Variants in DOK5 observed in about 807,000 individuals in gnomAD.
DOK5 encodes the protein docking protein 5, also known as downstream of tyrosine kinase 5.
Under a neutral mutation model 43.3 loss-of-function variants are expected in DOK5, and 27 were observed. The ratio of observed to expected loss-of-function variants is 0.62; its 90% CI spans 0.46 to 0.86. DOK5 has a LOEUF of 0.86. Ranked by LOEUF, DOK5 falls within the 40% of genes least tolerant of loss-of-function variation. The pLI is 0.00. For synonymous variants in DOK5, 146 were observed against 140.1 expected, an observed-to-expected ratio of 1.04 and a Z score of -0.30; for missense variants, 373 against 392.9, an observed-to-expected ratio of 0.95 and a Z score of 0.43.
In DOK5 at chr20:54,588,555, T is replaced by G; in HGVS notation, c.247T>G (p.Tyr83Asp). ...KSTKKHAIGIYFNDDTSKTFA... is the reference protein window; with the variant it reads ...KSTKKHAIGIDFNDDTSKTFA... ...CACCAAGAAACATGCCATAGGGATT[T>G]ATTTCAATGACGATACCTCCAAGAC... The change falls in exon 3 of 8, where the codon TAT becomes GAT. Residue 83 changes from tyrosine to aspartate, a missense_variant. Tyr to Asp is a radical substitution (Grantham distance 160). Transcript: ENST00000262593. 6.2e-7 allele frequency: 1 copy of G among 1,614,192 alleles called. No individual in the cohort carries two copies. Among genetic ancestry groups the G allele is most frequent in the East Asian group, 2.2e-5 (1 of 44,880 alleles).
At chr20:54,576,100 A>C (rs1985444950) in intron 2 of DOK5, among the ~76,000 whole-genome samples, 1 of 152,180 alleles carries the variant, frequency 6.6e-6, no homozygotes, top group African/African-American at 2.4e-5. Context: ...GAAAGAATAA[A>C]AGAGGACTGA....
At chr20:54,539,041 G>T (rs1984050083) in intron 1 of DOK5, among the ~76,000 whole-genome samples, 1 of 152,112 alleles carries the variant, frequency 6.6e-6, no homozygotes, top group Non-Finnish European at 1.5e-5. Context: ...CCAGCACTTT[G>T]GGAGGCCAAG....
chr20:54,634,343 C>T (rs1353232844), intron 6 of DOK5, among the ~76,000 whole-genome samples: 2 of 151,388 alleles, frequency 1.3e-5, no homozygotes, highest in African/African-American at 2.4e-5. Context: ...GGGGACCATG[C>T]TTCAGCCAGT....
rs184083911 is a variant in DOK5 at position 54,567,800 on chromosome 20, A to G, written c.174+12760A>G. Among the ~76,000 whole-genome samples, 102 of 152,312 alleles carry G rather than the reference A, an allele frequency of 6.7e-4. 2 individuals carry two copies. The highest frequency in any genetic ancestry group is 1.3e-3 in the Non-Finnish European group (88 of 67,994). ...CCGATATCTTTTCTATGTTAAGTCCATTCATGAACATGGTATGATTCTCCA... is the reference window on the plus strand; with the variant it reads ...CCGATATCTTTTCTATGTTAAGTCCGTTCATGAACATGGTATGATTCTCCA... On this transcript the variant is annotated intron_variant, in intron 2 of 7. Transcript: ENST00000262593.
intron 1 of DOK5, among the ~76,000 whole-genome samples, chr20:54,513,679 A>G (rs1983093943): frequency 6.6e-6 from 1 of 152,186 alleles, no homozygotes; most frequent in Non-Finnish European, 1.5e-5. Context: ...TGGGCTGTGC[A>G]TTGGCTAATT....
chr20:54,585,957 A>G (rs1303802648), intron 2 of DOK5, among the ~76,000 whole-genome samples: 1 of 152,162 alleles, frequency 6.6e-6, no homozygotes, highest in Non-Finnish European at 1.5e-5. Flanking sequence ...CCCTGTCTCT[A>G]CTAAAAATAC....
At chr20:54,529,040 T>C (rs537312168) in intron 1 of DOK5, among the ~76,000 whole-genome samples, 2 of 152,280 alleles carry the variant, frequency 1.3e-5, no homozygotes, top group East Asian at 3.9e-4. Flanking sequence ...GTTCTCTGGG[T>C]CCTGAGCAGG....
chr20:54,534,314 A>G (rs1983879142), intron 1 of DOK5, among the ~76,000 whole-genome samples: 1 of 152,192 alleles, frequency 6.6e-6, no homozygotes, highest in Non-Finnish European at 1.5e-5. Flanking sequence ...CAGCCTCCAG[A>G]GTAGCTGAGA....
At chr20:54,508,670 T>A (rs1982902995) in intron 1 of DOK5, among the ~76,000 whole-genome samples, 1 of 152,164 alleles carries the variant, frequency 6.6e-6, no homozygotes, top group Admixed American at 6.5e-5. Context: ...AACCAGTGCC[T>A]ACTGGGTTCA....
chr20:54,596,785 T>C (rs371153206), intron 5 of DOK5, among the ~76,000 whole-genome samples: 1 of 152,142 alleles, frequency 6.6e-6, no homozygotes, highest in South Asian at 2.1e-4. Context: ...TTCCATAAAC[T>C]CAAAGTCTGA....
intron 6 of DOK5, among the ~76,000 whole-genome samples, chr20:54,632,876 A>G (rs943912310): frequency 4.6e-5 from 7 of 152,132 alleles, no homozygotes; most frequent in Non-Finnish European, 1.0e-4. Flanking sequence ...CAGGAGTTTG[A>G]GACCAGCCTG....
intron 6 of DOK5, among the ~76,000 whole-genome samples, chr20:54,629,500 C>T (rs1341724398): frequency 2.6e-5 from 4 of 152,184 alleles, no homozygotes; most frequent in African/African-American, 9.7e-5. Context: ...TACCAGATTC[C>T]TTTGAATCTT....
chr20:54,565,231 T>C (rs1280170864), intron 2 of DOK5, among the ~76,000 whole-genome samples: 3 of 152,172 alleles, frequency 2.0e-5, no homozygotes, highest in African/African-American at 7.2e-5. Context: ...TATGATAAAG[T>C]TTAATTCATA....
intron 2 of DOK5, among the ~76,000 whole-genome samples, chr20:54,583,100 T>C (rs114828329): frequency 7.0e-4 from 106 of 152,264 alleles, no homozygotes; most frequent in African/African-American, 2.4e-3. Context: ...ATTTTCCAAA[T>C]TCCCTTTTGA....
chr20:54,604,799 G>A (rs1310975225), intron 5 of DOK5, among the ~76,000 whole-genome samples: 3 of 151,938 alleles, frequency 2.0e-5, no homozygotes, highest in South Asian at 2.1e-4. Context: ...TCAGGAGTTC[G>A]AGACCAGCCT....
At chr20:54,509,616 C>T (rs1161138650) in intron 1 of DOK5, among the ~76,000 whole-genome samples, 3 of 152,222 alleles carry the variant, frequency 2.0e-5, no homozygotes, top group Non-Finnish European at 4.4e-5. Flanking sequence ...TTATCTTTAA[C>T]ATCTGCAAAG....
chr20:54,476,159 G>A, intron 1 of DOK5, 147 bp downstream of exon 1: 1 of 1,516,616 alleles, frequency 6.6e-7, no homozygotes, highest in Non-Finnish European at 8.8e-7. Context: ...GCGTCTCCGG[G>A]GCTGTCACTG....
chr20:54,581,301 C>A (rs1985629878), intron 2 of DOK5, among the ~76,000 whole-genome samples: 1 of 151,128 alleles, frequency 6.6e-6, no homozygotes, highest in Non-Finnish European at 1.5e-5. Flanking sequence ...TTTGAAGCAA[C>A]TCTGGCTTTG....
intron 6 of DOK5, among the ~76,000 whole-genome samples, chr20:54,631,745 G>A (rs990731645): frequency 6.6e-6 from 1 of 152,136 alleles, no homozygotes; most frequent in Non-Finnish European, 1.5e-5. Context: ...AGGCCGAGGT[G>A]GGCGGATCAC....
Sources: gnomAD v4.1 joint callset for allele counts (sites outside exome capture counted in the v4.1 genomes callset) on GRCh38, gnomAD v4.1.1 for gene constraint, MANE v1.5 for transcripts, NCBI Gene and HGNC (gene_info 2026-07-23, HGNC 2026-07-21) for gene names.